Variants in MYOF observed in about 807,000 individuals in gnomAD.
The protein encoded by MYOF is fer-1-like 3, myoferlin.
Under a neutral mutation model 284.2 loss-of-function variants are expected in MYOF, and 244 were observed. That is an observed-to-expected ratio of 0.86 (90% confidence interval 0.77 to 0.95). The LOEUF is 0.95. Among genes scored for constraint, MYOF ranks in the 40% least tolerant of loss-of-function variants. The pLI is 0.00. For synonymous variants in MYOF, 904 were observed against 919.7 expected, an observed-to-expected ratio of 0.98 and a Z score of 0.31; for missense variants, 2,496 against 2,560.6, an observed-to-expected ratio of 0.97 and a Z score of 0.54.
chr10:93,360,006 C>T, intron 28 of MYOF, 28 bp from the exon 29 acceptor site: 1 of 1,613,618 alleles, frequency 6.2e-7, no homozygotes, highest in Non-Finnish European at 8.5e-7. Flanking sequence ...AATGGTTACC[C>T]AGAAGAGATG....
At chr10:93,375,104 C>T (rs868491037) in intron 22 of MYOF, 149 bp from the exon 23 acceptor site, 1 of 777,002 alleles carries the variant, frequency 1.3e-6, no homozygotes, top group Non-Finnish European at 2.0e-6. Context: ...CTGGTTTACG[C>T]TGGAGTAGAG....
rs56249106 is a variant in MYOF, at chr10:93,406,568, A to T, written c.729+2219T>A. Among the ~76,000 whole-genome samples, 35 of 150,658 alleles carry T rather than the reference A, an allele frequency of 2.3e-4. No individual in the cohort carries two copies. The South Asian group carries it at 6.1e-3, about 26-fold the overall frequency. On this transcript the variant is annotated intron_variant, in intron 7 of 53. Transcript: ENST00000359263. Reference sequence around the variant, plus strand: ...TAATCCAGCATCTTGCCTCCTCCCCACCCATCCAGTCTTGCCCTCCAACGT... The same window carrying T: ...TAATCCAGCATCTTGCCTCCTCCCCTCCCATCCAGTCTTGCCCTCCAACGT...
intron 2 of MYOF, among the ~76,000 whole-genome samples, chr10:93,453,850 A>C (rs1477405417): frequency 6.6e-6 from 1 of 151,732 alleles, no homozygotes; most frequent in African/African-American, 2.4e-5. Flanking sequence ...GTGCCATTAC[A>C]CTCTGGCCTG....
chr10:93,349,984 TAA>T lies in MYOF; in HGVS notation c.3922-17_3922-16del. The T allele has an allele frequency of 1.9e-6, 3 of 1,610,670 alleles. No homozygotes were observed. The highest frequency in any genetic ancestry group is 2.5e-6 in the Non-Finnish European group (3 of 1,178,258). On this transcript the variant is annotated splice_polypyrimidine_tract_variant and intron_variant, in intron 35 of 53. Transcript: ENST00000359263. ...CAAGCTAGAATCTATGAAAACGATT[TAA>T]AGAGAGGGGAAGGTAACTCAGCACT...
chr10:93,440,104 T>C (rs937367204), intron 3 of MYOF, among the ~76,000 whole-genome samples: 1 of 152,122 alleles, frequency 6.6e-6, no homozygotes, highest in Non-Finnish European at 1.5e-5. Flanking sequence ...GTCTGTAAAC[T>C]TCATAACCCA....
intron 3 of MYOF, among the ~76,000 whole-genome samples, chr10:93,437,415 C>T (rs1217152414): frequency 6.6e-6 from 1 of 152,160 alleles, no homozygotes; most frequent in East Asian, 1.9e-4. Context: ...GACTCTTACT[C>T]AGGGGAGCTC....
chr10:93,445,630 G>A (rs780268677), intron 3 of MYOF, among the ~76,000 whole-genome samples: 4 of 152,212 alleles, frequency 2.6e-5, no homozygotes, highest in Admixed American at 1.3e-4. Context: ...CCTGAGGGGT[G>A]GGGAGGTGTC....
intron 48 of MYOF, among the ~76,000 whole-genome samples, chr10:93,320,902 G>A (rs1434148597): frequency 6.6e-6 from 1 of 152,084 alleles, no homozygotes; most frequent in East Asian, 1.9e-4. Flanking sequence ...ATGGTAGGAG[G>A]CAGGCCTGGC....
chr10:93,313,411 T>C (rs1842482345), intron 50 of MYOF, among the ~76,000 whole-genome samples: 1 of 152,190 alleles, frequency 6.6e-6, no homozygotes, highest in Non-Finnish European at 1.5e-5. Context: ...AGCCGTCCAC[T>C]GCACAGCATC....
chr10:93,349,951 T>C lies in MYOF; in HGVS notation c.3940A>G (p.Arg1314Gly). 6.2e-7 allele frequency: 1 copy of C among 1,614,062 alleles called. No homozygotes were observed. The highest frequency in any genetic ancestry group is 8.5e-7 in the Non-Finnish European group (1 of 1,179,986). ...TAIEILAWGL[R>G]NMKNFQMASI... The stretch of plus-strand genomic sequence containing the variant: ...GCCATCTGGAAGTTTTTCATATTTC[T>C]TAAGCCCCAAGCTAGAATCTATGAA... Residue 1314 changes from arginine (R) to glycine (G), a missense_variant, in exon 36 of 54, where the codon AGA becomes GGA. Physicochemically the swap from Arg to Gly is moderately radical, Grantham distance 125. This residue lies in a region of MYOF where 2,436 missense variants were observed against 2,480.7 expected (regional missense o/e 0.98). Coordinates refer to ENST00000359263, the MANE Select transcript of MYOF (RefSeq NM_013451.4).
chr10:93,427,552 A>G (rs1399317035), intron 4 of MYOF, among the ~76,000 whole-genome samples: 2 of 139,564 alleles, frequency 1.4e-5, no homozygotes, highest in South Asian at 2.3e-4. Flanking sequence ...AAAAAAAAAA[A>G]GTGACTAACA....
At chr10:93,310,214 C>G (rs368061881) in intron 52 of MYOF, 47 bp from the exon 53 acceptor site, 41 of 1,594,216 alleles carry the variant, frequency 2.6e-5, no homozygotes, top group Non-Finnish European at 3.0e-5. Context: ...AGGAGGGATG[C>G]ATATTTTATT....
chr10:93,329,657 A>G lies in MYOF; in HGVS notation c.4982+7T>C. 1 of 1,613,640 alleles carries G rather than the reference A, an allele frequency of 6.2e-7. No homozygotes were observed. Among genetic ancestry groups the G allele is most frequent in the Non-Finnish European group, 8.5e-7 (1 of 1,180,022 alleles). On this transcript the variant is annotated splice_region_variant and intron_variant, in intron 44 of 53. Coordinates refer to ENST00000359263, the MANE Select transcript of MYOF (RefSeq NM_013451.4). ...AAAGTGCCTCTTGTACAGTCAAAGC[A>G]ACTTACACACAGTACTCCTCTGGTA...
chr10:93,422,475 G>C (rs1848394214), intron 5 of MYOF, among the ~76,000 whole-genome samples: 1 of 152,200 alleles, frequency 6.6e-6, no homozygotes, highest in Non-Finnish European at 1.5e-5. Context: ...TTGGGTGGCA[G>C]GGATTTTCTC....
At chr10:93,388,604 A>C (rs1019818917) in intron 18 of MYOF, among the ~76,000 whole-genome samples, 2 of 152,198 alleles carry the variant, frequency 1.3e-5, no homozygotes, top group African/African-American at 4.8e-5. Flanking sequence ...CCTAAAAGAC[A>C]TTTGGCTTCT....
intron 31 of MYOF, 125 bp from the exon 32 acceptor site, chr10:93,354,013 A>G: frequency 1.5e-6 from 1 of 682,188 alleles, no homozygotes. Context: ...ATAGTTCCCC[A>G]CAGTAAAGAG....
intron 24 of MYOF, among the ~76,000 whole-genome samples, chr10:93,370,796 A>C (rs145368248): frequency 1.7e-4 from 26 of 152,316 alleles, no homozygotes; most frequent in Non-Finnish European, 3.4e-4. Context: ...TGAAAAATGA[A>C]ATATCACTTT....
At chr10:93,310,503 G>A (rs748662106) in intron 52 of MYOF, 31 bp downstream of exon 52, 1 of 1,601,262 alleles carries the variant, frequency 6.2e-7, no homozygotes, top group East Asian at 2.2e-5. Context: ...GCAGGTGTTT[G>A]GGGAGTGGGA....
intron 37 of MYOF, 90 bp from the exon 38 acceptor site, chr10:93,344,022 G>T: frequency 7.3e-7 from 1 of 1,369,868 alleles, no homozygotes; most frequent in Non-Finnish European, 1.0e-6. Flanking sequence ...CAGCCATAGG[G>T]TGGATGGTAG....
Sources: allele counts gnomAD v4.1 joint callset (sites outside exome capture counted in the v4.1 genomes callset), GRCh38; gene constraint gnomAD v4.1.1; regional missense constraint gnomAD v4.1.1; transcripts MANE v1.5; gene names NCBI Gene and HGNC (gene_info 2026-07-23, HGNC 2026-07-21).